The following LRMDA variants were observed in gnomAD, a reference collection of about 807,000 sequenced individuals.
LRMDA encodes leucine rich melanocyte differentiation associated, also known as leucine-rich melanocyte differentiation-associated protein.
Under a neutral mutation model 29.8 loss-of-function variants are expected in LRMDA, and 18 were observed. The observed-to-expected ratio is 0.60, with a 90% CI of 0.42 to 0.90. The LOEUF is 0.90. Among genes scored for constraint, LRMDA ranks in the 40% least tolerant of loss-of-function variants. The pLI is 0.00. For missense variants in LRMDA, 273 were observed against 273.9 expected, an observed-to-expected ratio of 1.00 and a Z score of 0.02; for synonymous variants, 125 against 109.4, an observed-to-expected ratio of 1.14 and a Z score of -0.89.
intron 6 of LRMDA, among the ~76,000 whole-genome samples, chr10:76,494,516 G>C (rs999558868): frequency 1.3e-5 from 2 of 151,456 alleles, no homozygotes; most frequent in Non-Finnish European, 2.9e-5. Context: ...TATTTTTCCT[G>C]ACTGAGTCTG....
intron 5 of LRMDA, among the ~76,000 whole-genome samples, chr10:76,306,887 C>CT (rs1162703593): frequency 6.6e-6 from 1 of 152,138 alleles, no homozygotes; most frequent in Admixed American, 6.5e-5. Flanking sequence ...CCAGTAGTTG[C>CT]TTGACACATG....
At chr10:75,906,034 C>G (rs1845753377) in intron 2 of LRMDA, among the ~76,000 whole-genome samples, 1 of 151,366 alleles carries the variant, frequency 6.6e-6, no homozygotes, top group Non-Finnish European at 1.5e-5. Flanking sequence ...AGAACCTCAT[C>G]CTAGATGCTC....
At chr10:75,851,017 C>T (rs546459710) in intron 2 of LRMDA, among the ~76,000 whole-genome samples, 8 of 152,082 alleles carry the variant, frequency 5.3e-5, no homozygotes, top group South Asian at 2.1e-4. Flanking sequence ...TTTTTAACCC[C>T]GCCTGGAAGA....
In LRMDA at chr10:76,494,123, A is replaced by T. The variant is rs142003752; in HGVS notation, c.602-63086A>T. Among the ~76,000 whole-genome samples the T allele has an allele frequency of 4.2e-3, 631 of 152,010 alleles. 4 individuals are homozygous for T. Among genetic ancestry groups the T allele is most frequent in the Middle Eastern group, 0.01 (3 of 294 alleles). ...GATCATGTCTTTTGCAAATAATAAC[A>T]GTTTTCTTTCTTTCTTTCCAATGTA... On this transcript the variant is annotated intron_variant, in intron 6 of 6. Transcript: ENST00000611255.
chr10:75,513,500 A>C (rs149295615), intron 2 of LRMDA, among the ~76,000 whole-genome samples: 2 of 152,198 alleles, frequency 1.3e-5, no homozygotes, highest in Admixed American at 6.5e-5. Flanking sequence ...CTGCTGTAAC[A>C]AAGTACCACA....
At chr10:76,467,151 A>T (rs1842572453) in intron 6 of LRMDA, among the ~76,000 whole-genome samples, 1 of 152,218 alleles carries the variant, frequency 6.6e-6, no homozygotes, top group African/African-American at 2.4e-5. Flanking sequence ...ATTTTTCAGG[A>T]TAAAAACTCA....
chr10:75,903,825 A>G (rs1385909653), intron 2 of LRMDA, among the ~76,000 whole-genome samples: 2 of 152,170 alleles, frequency 1.3e-5, no homozygotes, highest in South Asian at 2.1e-4. Context: ...TGTGCCTACT[A>G]AAGATTTAGG....
chr10:75,706,920 G>A lies in LRMDA; in HGVS notation c.131+268426G>A, dbSNP rs143289450. On this transcript the variant is annotated intron_variant, in intron 2 of 6. Coordinates refer to ENST00000611255, the MANE Select transcript of LRMDA (RefSeq NM_001305581.2). ...TATACTCTTGGATAAGCATTAGATG[G>A]TGGCCATTTCCCCTTTGTAATATTA... Among the ~76,000 whole-genome samples, 194 of 152,238 alleles carry A rather than the reference G, an allele frequency of 1.3e-3. 1 individual carries two copies. The East Asian group carries it at 0.033, about 26-fold the overall frequency.
At chr10:75,736,920 T>C (rs1317458966) in intron 2 of LRMDA, among the ~76,000 whole-genome samples, 2 of 152,202 alleles carry the variant, frequency 1.3e-5, no homozygotes, top group Admixed American at 1.3e-4. Context: ...GCTATTTAGC[T>C]ATTTAGTAGG....
chr10:75,576,008 A>G (rs1207698655), intron 2 of LRMDA, among the ~76,000 whole-genome samples: 1 of 149,638 alleles, frequency 6.7e-6, no homozygotes, highest in Admixed American at 6.7e-5. Flanking sequence ...CTGGAATGCC[A>G]GTGAGACAGA....
At chr10:75,808,323 T>C (rs1405174238) in intron 2 of LRMDA, among the ~76,000 whole-genome samples, 2 of 152,208 alleles carry the variant, frequency 1.3e-5, no homozygotes, top group African/African-American at 4.8e-5. Context: ...GTTTACTGTG[T>C]TTGAAAGCAC....
chr10:75,750,723 G>C (rs560095278), intron 2 of LRMDA, among the ~76,000 whole-genome samples: 29 of 146,444 alleles, frequency 2.0e-4, no homozygotes, highest in Middle Eastern at 3.9e-3. Flanking sequence ...AGACGGGGCG[G>C]GGGGGCAGAG....
intron 2 of LRMDA, among the ~76,000 whole-genome samples, chr10:75,665,530 AAAATGCTTTCAGCATCTTCATGAG>A (rs1430729090): frequency 2.0e-5 from 3 of 152,244 alleles, no homozygotes; most frequent in African/African-American, 7.2e-5. Flanking sequence ...TATAATAAAA[AAAATGCTTTCAGCATCTTCATGAG>A]AAATTGACCA....
chr10:75,521,445 C>G (rs1845356644), intron 2 of LRMDA, among the ~76,000 whole-genome samples: 1 of 152,256 alleles, frequency 6.6e-6, no homozygotes, highest in Non-Finnish European at 1.5e-5. Flanking sequence ...CTGACTGCAG[C>G]CTCGCAGGTC....
rs1217453608 is a variant in LRMDA at position 76,009,838 on chromosome 10, C to CT, written c.132-26169dup. Among the ~76,000 whole-genome samples the CT allele has an allele frequency of 7.9e-5, 12 of 152,158 alleles. No homozygotes were observed. The South Asian group carries it at 2.5e-3, about 32-fold the overall frequency. On this transcript the variant is annotated intron_variant, in intron 2 of 6. Coordinates refer to ENST00000611255, the MANE Select transcript of LRMDA (RefSeq NM_001305581.2). ...GCTGCCTCTTTGCCGAGCAACCCCCCTCACTGCCTCCTCCCCCAGCCCCTC... is the reference window on the plus strand; with the variant it reads ...GCTGCCTCTTTGCCGAGCAACCCCCCTTCACTGCCTCCTCCCCCAGCCCCTC...
At chr10:76,161,656 T>C (rs1210625751) in intron 5 of LRMDA, among the ~76,000 whole-genome samples, 2 of 152,200 alleles carry the variant, frequency 1.3e-5, no homozygotes, top group African/African-American at 2.4e-5. Context: ...GAAACAAATG[T>C]TGATGAACAG....
At chr10:75,900,767 T>C (rs1327121040) in intron 2 of LRMDA, among the ~76,000 whole-genome samples, 1 of 152,180 alleles carries the variant, frequency 6.6e-6, no homozygotes, top group Non-Finnish European at 1.5e-5. Flanking sequence ...GTGTTCTTCC[T>C]CCATGCCCAC....
chr10:75,829,189 C>T (rs1844296503), intron 2 of LRMDA, among the ~76,000 whole-genome samples: 1 of 152,150 alleles, frequency 6.6e-6, no homozygotes, highest in African/African-American at 2.4e-5. Flanking sequence ...CCAGAAGAAT[C>T]CCAGAGATAT....
intron 2 of LRMDA, among the ~76,000 whole-genome samples, chr10:75,612,119 T>C (rs961819169): frequency 6.6e-5 from 10 of 152,222 alleles, no homozygotes; most frequent in Admixed American, 5.9e-4. Flanking sequence ...GAATGACTTA[T>C]GTGGATTAGA....
Sources: gnomAD v4.1 joint callset for allele counts (sites outside exome capture counted in the v4.1 genomes callset) on GRCh38, gnomAD v4.1.1 for gene constraint, MANE v1.5 for transcripts, NCBI Gene and HGNC (gene_info 2026-07-23, HGNC 2026-07-21) for gene names.